ZMYND11: variants seen among roughly 807,000 people sequenced by gnomAD.
ZMYND11 encodes zinc finger MYND-type containing 11, also known as zinc finger MYND domain-containing protein 11.
Under a neutral mutation model 84.9 loss-of-function variants are expected in ZMYND11, and 9 were observed. The ratio of observed to expected loss-of-function variants is 0.11; its 90% CI spans 0.06 to 0.18. The LOEUF (loss-of-function observed/expected upper bound fraction) is 0.18, where lower values mean the gene tolerates loss of function less well. Ranked by LOEUF, ZMYND11 falls within the 10% of genes least tolerant of loss-of-function variation. The pLI is 1.00. For missense variants in ZMYND11, 409 were observed against 761.0 expected, an observed-to-expected ratio of 0.54 and a Z score of 5.44; for synonymous variants, 250 against 244.1, an observed-to-expected ratio of 1.02 and a Z score of -0.23.
intron 2 of ZMYND11, among the ~76,000 whole-genome samples, chr10:207,798 T>G (rs1408764879): frequency 6.6e-6 from 1 of 152,106 alleles, no homozygotes; most frequent in Non-Finnish European, 1.5e-5. Flanking sequence ...AAAAACTACT[T>G]TAAAGTTCAT....
chr10:201,460 A>C (rs554662279), intron 2 of ZMYND11, among the ~76,000 whole-genome samples: 1 of 152,270 alleles, frequency 6.6e-6, no homozygotes, highest in East Asian at 1.9e-4. Context: ...GAGATGGCAG[A>C]AGTTTCTGAG....
chr10:195,487 T>A (rs893106381), intron 2 of ZMYND11, among the ~76,000 whole-genome samples: 1 of 152,230 alleles, frequency 6.6e-6, no homozygotes, highest in Non-Finnish European at 1.5e-5. Flanking sequence ...ACTATTATAC[T>A]ACAGTAAAAA....
intron 1 of ZMYND11, among the ~76,000 whole-genome samples, chr10:171,144 C>T (rs782679809): frequency 6.6e-6 from 1 of 152,002 alleles, no homozygotes; most frequent in East Asian, 1.9e-4. Context: ...TGTGTACGCA[C>T]CTAACAACCA....
intron 1 of ZMYND11, chr10:148,084 T>C (rs993089785): frequency 6.6e-6 from 1 of 152,490 alleles, no homozygotes; most frequent in East Asian, 1.9e-4. Flanking sequence ...CTCCTCTTTA[T>C]CCCTGGTGTT....
At chr10:211,920 A>T (rs994294020) in intron 3 of ZMYND11, among the ~76,000 whole-genome samples, 30 of 152,210 alleles carry the variant, frequency 2.0e-4, no homozygotes, top group African/African-American at 6.8e-4. Context: ...TTAATTGTTG[A>T]TACCTTATTA....
chr10:190,905 T>C (rs1414544009), intron 2 of ZMYND11, among the ~76,000 whole-genome samples: 1 of 152,090 alleles, frequency 6.6e-6, no homozygotes, highest in Non-Finnish European at 1.5e-5. Flanking sequence ...TATATAGATA[T>C]ATAATTTGAT....
At chr10:213,093 T>C (rs1208419457) in intron 3 of ZMYND11, among the ~76,000 whole-genome samples, 7 of 152,216 alleles carry the variant, frequency 4.6e-5, no homozygotes, top group African/African-American at 1.7e-4. Flanking sequence ...TTGTGTACTT[T>C]TTTTAATGTA....
intron 3 of ZMYND11, among the ~76,000 whole-genome samples, chr10:213,928 A>G (rs1945715220): frequency 6.6e-6 from 1 of 152,182 alleles, no homozygotes. Context: ...GAACAAGATT[A>G]CTTTTATGAA....
At chr10:237,474 C>G (rs1950177474) in intron 5 of ZMYND11, 111 bp from the exon 6 acceptor site, 1 of 627,084 alleles carries the variant, frequency 1.6e-6, no homozygotes. Flanking sequence ...AAGACCCTGT[C>G]TCTACAAAAA....
At chr10:199,140 T>A (rs1942485511) in intron 2 of ZMYND11, among the ~76,000 whole-genome samples, 1 of 152,158 alleles carries the variant, frequency 6.6e-6, no homozygotes, top group Non-Finnish European at 1.5e-5. Context: ...AAATGAATTA[T>A]TTTTTTAGTA....
chr10:217,844 C>T (rs1050725660), intron 3 of ZMYND11, among the ~76,000 whole-genome samples: 13 of 152,120 alleles, frequency 8.5e-5, no homozygotes, highest in African/African-American at 2.2e-4. Context: ...TATACAGCTG[C>T]GAATGCCAGG....
At chr10:221,565 C>T (rs758727604) in intron 4 of ZMYND11, among the ~76,000 whole-genome samples, 3 of 152,122 alleles carry the variant, frequency 2.0e-5, no homozygotes, top group Non-Finnish European at 2.9e-5. Flanking sequence ...GTTTTAATCA[C>T]GTAAAAATAT....
chr10:254,396 G>T lies in ZMYND11; in HGVS notation c.*1926G>T, dbSNP rs1954014872. 1 of 152,546 alleles carries T rather than the reference G, an allele frequency of 6.6e-6. No individual in the cohort carries two copies. The highest frequency in any genetic ancestry group is 1.5e-5 in the Non-Finnish European group (1 of 68,030). 9.4% of individuals were successfully genotyped at this position (152,546 alleles called of 1,614,324 possible). A position where few individuals can be genotyped will look rare whatever the true frequency, so the allele number is the denominator to read the frequency against. ...AATTAAAAAAAGAGATTGTGGCCTG[G>T]TTTTGTAAAAGTTTTAGGTAAAATT... On this transcript the variant is annotated 3_prime_UTR_variant, in exon 15 of 15. Coordinates refer to ENST00000381604, the MANE Select transcript of ZMYND11 (RefSeq NM_001370100.5).
rs541876236 is a variant in ZMYND11 at position 142,846 on chromosome 10, A to G, written c.-20+7287A>G. On this transcript the variant is annotated intron_variant, in intron 1 of 14. Coordinates refer to ENST00000381604, the MANE Select transcript of ZMYND11 (RefSeq NM_001370100.5). ...TTAATGCCAACTCACCGGTAATGACAGGTAGTAATCTGAGAACAAGCATAG... is the reference window on the plus strand; with the variant it reads ...TTAATGCCAACTCACCGGTAATGACGGGTAGTAATCTGAGAACAAGCATAG... Among the ~76,000 whole-genome samples the G allele has an allele frequency of 2.0e-5, 3 of 152,320 alleles. No homozygotes were observed. The South Asian group carries it at 6.2e-4, about 32-fold the overall frequency.
chr10:240,181 T>C (rs1295287124), intron 8 of ZMYND11, 70 bp downstream of exon 8: 2 of 1,299,764 alleles, frequency 1.5e-6, no homozygotes, highest in Non-Finnish European at 2.1e-6. Context: ...ATTCCACTCT[T>C]ATCTACATTT....
At chr10:223,699 AAGT>A (rs1947566062) in intron 4 of ZMYND11, among the ~76,000 whole-genome samples, 1 of 152,222 alleles carries the variant, frequency 6.6e-6, no homozygotes, top group South Asian at 2.1e-4. Context: ...AGAAAAAGAT[AAGT>A]ACTAACAATT....
intron 3 of ZMYND11, among the ~76,000 whole-genome samples, chr10:212,407 G>C (rs1248267482): frequency 2.0e-5 from 3 of 151,686 alleles, no homozygotes; most frequent in African/African-American, 7.3e-5. Context: ...ATTCTAAAAT[G>C]GCTGTATAAT....
chr10:237,781 G>C, intron 6 of ZMYND11, 104 bp downstream of exon 6: 1 of 745,492 alleles, frequency 1.3e-6, no homozygotes, highest in East Asian at 2.8e-5. Flanking sequence ...TTCTTTCCTT[G>C]AAAGTGTACT....
At chr10:235,411 G>A (rs967988847) in intron 4 of ZMYND11, among the ~76,000 whole-genome samples, 21 of 148,602 alleles carry the variant, frequency 1.4e-4, no homozygotes, top group Admixed American at 5.4e-4. Context: ...GTCTCCCCCC[G>A]CCCCCACCAG....
Sources: allele counts gnomAD v4.1 joint callset (sites outside exome capture counted in the v4.1 genomes callset), GRCh38; gene constraint gnomAD v4.1.1; transcripts MANE v1.5; gene names NCBI Gene and HGNC (gene_info 2026-07-23, HGNC 2026-07-21).